LY96: variants seen among roughly 807,000 people sequenced by gnomAD.
LY96 encodes the protein lymphocyte antigen 96.
LY96 carries 18 observed loss-of-function variants against 18.9 expected under a neutral mutation model. The observed-to-expected ratio is 0.95, with a 90% CI of 0.66 to 1.41. LY96 has a LOEUF of 1.41. LY96 is among the 40% of genes most tolerant of loss of function. The pLI is 0.00. For missense variants in LY96, 175 were observed against 182.4 expected, an observed-to-expected ratio of 0.96 and a Z score of 0.23; for synonymous variants, 66 against 62.6, an observed-to-expected ratio of 1.06 and a Z score of -0.26.
the LY96 span, among the ~76,000 whole-genome samples, chr8:74,086,640 G>T: frequency 1.3e-5 from 2 of 152,202 alleles, no homozygotes; most frequent in Non-Finnish European, 2.9e-5. Context: ...GATGCTGTTT[G>T]CTTGAGCTTG....
the LY96 span, among the ~76,000 whole-genome samples, chr8:74,090,631 A>T: frequency 6.6e-6 from 1 of 152,206 alleles, no homozygotes; most frequent in Admixed American, 6.5e-5. Context: ...CTGTATTTTT[A>T]GTATGTGGTC....
the LY96 span, among the ~76,000 whole-genome samples, chr8:74,053,284 CT>C: frequency 6.6e-6 from 1 of 152,172 alleles, no homozygotes; most frequent in Non-Finnish European, 1.5e-5. Context: ...CTCTCAATGT[CT>C]TTTAGATTTT....
At chr8:74,040,170 A>G in the LY96 span, among the ~76,000 whole-genome samples, 1 of 152,264 alleles carries the variant, frequency 6.6e-6, no homozygotes, top group East Asian at 1.9e-4. Flanking sequence ...ACGAAGAGTA[A>G]TATTAAAAGC....
chr8:73,995,596 A>G (rs1412210620), intron 1 of LY96, among the ~76,000 whole-genome samples: 3 of 152,244 alleles, frequency 2.0e-5, no homozygotes, highest in South Asian at 4.1e-4. Flanking sequence ...ACATACAAAA[A>G]TGGCAAAAAT....
chr8:74,063,730 A>C, the LY96 span, among the ~76,000 whole-genome samples: 1 of 152,110 alleles, frequency 6.6e-6, no homozygotes, highest in Non-Finnish European at 1.5e-5. Flanking sequence ...CTTTTGTAAA[A>C]TTTGTTCCTA....
At chr8:74,068,089 A>AAAAAATATATATATATAT in the LY96 span, among the ~76,000 whole-genome samples, 3 of 67,928 alleles carry the variant, frequency 4.4e-5, no homozygotes, top group African/African-American at 2.9e-4. Flanking sequence ...AAAAAAAAAA[A>AAAAAATATATATATATAT]ATATATATAT....
At chr8:74,013,828 A>T (rs1467804761) in intron 3 of LY96, among the ~76,000 whole-genome samples, 1 of 152,120 alleles carries the variant, frequency 6.6e-6, no homozygotes, top group Non-Finnish European at 1.5e-5. Flanking sequence ...ATTGCTGGAG[A>T]TGAGCCTAGA....
At position 73,991,501 on chromosome 8, in the gene LY96, A is replaced by C; in HGVS notation, c.59A>C (p.Lys20Thr). Residue 20 changes from lysine to threonine, a missense_variant, in exon 1 of 5, where the codon AAG (lysine) becomes ACG (threonine). Lys to Thr is a moderately conservative substitution (Grantham distance 78, BLOSUM62 -1). Coordinates refer to ENST00000284818, the MANE Select transcript of LY96 (RefSeq NM_015364.5). ...LFSSIFTEAQ[K>T]QYWVCNSSDA... The stretch of plus-strand genomic sequence containing the variant: ...TCTTCCATATTTACTGAAGCTCAGA[A>C]GCAGTATTGGGTCTGCAACTCATCC... The C allele has an allele frequency of 2.5e-6, 4 of 1,613,598 alleles. No homozygotes were observed. The highest frequency in any genetic ancestry group is 2.5e-6 in the Non-Finnish European group (3 of 1,179,564).
chr8:74,076,630 T>G, the LY96 span, among the ~76,000 whole-genome samples: 1,124 of 152,278 alleles, frequency 7.4e-3, 18 homozygotes, highest in African/African-American at 0.026. Flanking sequence ...CACCCCGAGA[T>G]ACTTTTGAGG....
At chr8:74,001,511 T>G (rs543855689) in intron 1 of LY96, among the ~76,000 whole-genome samples, 17 of 152,218 alleles carry the variant, frequency 1.1e-4, no homozygotes, top group Admixed American at 1.1e-3. Flanking sequence ...ATTACAGGCA[T>G]GAGCCAGCAC....
At chr8:74,079,639 T>G in the LY96 span, 1 of 151,936 alleles carries the variant, frequency 6.6e-6, no homozygotes, top group African/African-American at 2.4e-5. Context: ...GTGTTTAATT[T>G]AAAAAATAAA....
At chr8:74,028,874 G>A in intron 4 of LY96, 82 bp from the exon 5 acceptor site, 2 of 797,362 alleles carry the variant, frequency 2.5e-6, no homozygotes, top group Non-Finnish European at 4.1e-6. Context: ...CTTTCTGCTA[G>A]TAAGAGAAAG....
At chr8:74,043,719 A>G in the LY96 span, among the ~76,000 whole-genome samples, 1 of 152,240 alleles carries the variant, frequency 6.6e-6, no homozygotes, top group African/African-American at 2.4e-5. Flanking sequence ...AATTAATGAT[A>G]TAAATTAACT....
chr8:74,099,110 C>A, the LY96 span, among the ~76,000 whole-genome samples: 1 of 152,118 alleles, frequency 6.6e-6, no homozygotes, highest in African/African-American at 2.4e-5. Context: ...TGAATTTTGT[C>A]TGTGTTCTTT....
At chr8:74,039,577 G>A in the LY96 span, among the ~76,000 whole-genome samples, 2 of 152,160 alleles carry the variant, frequency 1.3e-5, no homozygotes, top group Non-Finnish European at 2.9e-5. Context: ...GACAAGCGGG[G>A]CAGGGTAAGG....
chr8:74,087,952 G>A, the LY96 span, among the ~76,000 whole-genome samples: 1 of 151,700 alleles, frequency 6.6e-6, no homozygotes. Flanking sequence ...TTTCTTGTCT[G>A]AATCCTTCCT....
the LY96 span, among the ~76,000 whole-genome samples, chr8:74,060,191 T>A: frequency 6.6e-6 from 1 of 152,130 alleles, no homozygotes; most frequent in Non-Finnish European, 1.5e-5. Context: ...AACGAAAAAC[T>A]TCCAACTCTT....
chr8:74,048,263 AT>A, the LY96 span, among the ~76,000 whole-genome samples: 1,182 of 142,296 alleles, frequency 8.3e-3, 6 homozygotes, highest in Middle Eastern at 0.014. Flanking sequence ...GTTTAGTTCT[AT>A]TTTTTTTTTT....
chr8:74,012,911 T>A (rs1816558803), intron 3 of LY96, among the ~76,000 whole-genome samples: 1 of 152,042 alleles, frequency 6.6e-6, no homozygotes, highest in Non-Finnish European at 1.5e-5. Context: ...TTATTGGTTT[T>A]AACTATATAA....
Sources: gnomAD v4.1 joint callset for allele counts (sites outside exome capture counted in the v4.1 genomes callset) on GRCh38, gnomAD v4.1.1 for gene constraint, MANE v1.5 for transcripts, NCBI Gene and HGNC (gene_info 2026-07-23, HGNC 2026-07-21) for gene names.